Variants in ACKR3 observed in about 807,000 individuals in gnomAD.
ACKR3 encodes C-X-C chemokine receptor type 7.
A neutral mutation model predicts 22.4 loss-of-function variants in ACKR3; 6 were observed. That is an observed-to-expected ratio of 0.27 (90% CI 0.15 to 0.53). ACKR3 has a LOEUF of 0.53. Ranked by LOEUF, ACKR3 falls within the 20% of genes least tolerant of loss-of-function variation. The probability of loss-of-function intolerance (pLI) is 0.96; values close to 1 mark genes in which losing one functional copy is unlikely to be tolerated. For synonymous variants in ACKR3, 209 were observed against 205.2 expected (o/e 1.02, Z -0.16); for missense variants, 396 against 475.2 (o/e 0.83, Z 1.55).
the ACKR3 span, among the ~76,000 whole-genome samples, chr2:236,550,309 T>C: frequency 5.3e-5 from 8 of 152,142 alleles, no homozygotes; most frequent in Admixed American, 5.2e-4. This position sits in a 1 kb window ranked among gnomAD's most constrained non-coding sequence, Gnocchi z 4.6. Context: ...ATGGGAGATG[T>C]TGGGGGTGGC....
the ACKR3 span, among the ~76,000 whole-genome samples, chr2:236,546,148 C>T: frequency 1.3e-5 from 2 of 152,286 alleles, no homozygotes; most frequent in East Asian, 1.9e-4. This position sits in a 1 kb window ranked among gnomAD's most constrained non-coding sequence, Gnocchi z 4.9. Context: ...GATTCTTGGT[C>T]CCAGGAGAAG....
the ACKR3 span, among the ~76,000 whole-genome samples, chr2:236,561,746 C>T: frequency 1.2e-3 from 183 of 152,360 alleles, no homozygotes; most frequent in African/African-American, 4.0e-3. Context: ...CTCACCTTGG[C>T]CTCCCAAAGT....
chr2:236,551,664 G>C, the ACKR3 span, among the ~76,000 whole-genome samples: 1 of 152,174 alleles, frequency 6.6e-6, no homozygotes, highest in Non-Finnish European at 1.5e-5. Context: ...GCTTCTAAAA[G>C]GCAAAATGGA....
At chr2:236,578,483 A>G (rs911153740) in intron 1 of ACKR3, among the ~76,000 whole-genome samples, 1 of 152,206 alleles carries the variant, frequency 6.6e-6, no homozygotes, top group Non-Finnish European at 1.5e-5. Context: ...GGTTCCCTCC[A>G]TGGAAGGCTT....
Position 236,581,693 on chromosome 2 carries a change from A to T in ACKR3, c.*139A>T. On this transcript the variant is annotated 3_prime_UTR_variant, in exon 2 of 2. Transcript: ENST00000272928. This position sits in a 1 kb window ranked among gnomAD's most constrained non-coding sequence, Gnocchi z 4.4. ...GAAGAGGGGAGCACGTGCCCCCTGC[A>T]TCCATTCTCTCTTTCTCTTGATGAC... The T allele has an allele frequency of 4.7e-6, 5 of 1,075,004 alleles. No homozygotes were observed. The highest frequency in any genetic ancestry group is 5.3e-6 in the Non-Finnish European group (4 of 757,078). 66.6% of individuals were successfully genotyped at this position (1,075,004 alleles called of 1,614,324 possible).
chr2:236,561,574 C>A, the ACKR3 span, among the ~76,000 whole-genome samples: 4 of 152,072 alleles, frequency 2.6e-5, no homozygotes, highest in Non-Finnish European at 5.9e-5. Flanking sequence ...GTGGCACGAC[C>A]TCCGCCTCCT....
chr2:236,565,992 C>T (rs888700288), upstream of ACKR3, among the ~76,000 whole-genome samples: 1 of 152,230 alleles, frequency 6.6e-6, no homozygotes, highest in African/African-American at 2.4e-5. Context: ...AGGCCAGCGG[C>T]GCAGCTGAGC....
rs1477240261 is a variant in ACKR3 at position 236,574,244 on chromosome 2, G to A, written c.-27+4320G>A. ...AAGTCTCTCCTGGACGCCCGTCTCCGCTGCTGGCCACAGTCGCTGGTCTTG... is the reference window on the plus strand; with the variant it reads ...AAGTCTCTCCTGGACGCCCGTCTCCACTGCTGGCCACAGTCGCTGGTCTTG... On this transcript the variant is annotated intron_variant, in intron 1 of 1. Coordinates refer to ENST00000272928, the MANE Select transcript of ACKR3 (RefSeq NM_020311.3). This position sits in a 1 kb window ranked among gnomAD's most constrained non-coding sequence, Gnocchi z 5.6. Among the ~76,000 whole-genome samples, 2 of 152,246 alleles carry A rather than the reference G, an allele frequency of 1.3e-5. No homozygotes were observed. Among genetic ancestry groups the A allele is most frequent in the Non-Finnish European group, 2.9e-5 (2 of 68,012 alleles).
chr2:236,550,113 G>T, the ACKR3 span, among the ~76,000 whole-genome samples: 2 of 152,206 alleles, frequency 1.3e-5, no homozygotes, highest in African/African-American at 4.8e-5. This position sits in a 1 kb window ranked among gnomAD's most constrained non-coding sequence, Gnocchi z 4.6. Context: ...CTGCAGCAAC[G>T]TGGATTCCTG....
chr2:236,539,312 T>C, the ACKR3 span, among the ~76,000 whole-genome samples: 155 of 138,540 alleles, frequency 1.1e-3, no homozygotes, highest in Admixed American at 2.6e-3. Flanking sequence ...TTTTCTTTTT[T>C]TTTTTTTTTT....
the ACKR3 span, among the ~76,000 whole-genome samples, chr2:236,543,983 A>ATATATATATC: frequency 3.6e-5 from 2 of 56,242 alleles, no homozygotes; most frequent in Non-Finnish European, 5.9e-5. Flanking sequence ...ATATATATAT[A>ATATATATATC]TATATATATA....
the ACKR3 span, among the ~76,000 whole-genome samples, chr2:236,552,301 G>A: frequency 6.6e-6 from 1 of 152,174 alleles, no homozygotes; most frequent in African/African-American, 2.4e-5. Flanking sequence ...GGGGACAGAT[G>A]CTGGGGAGAG....
chr2:236,568,662 A>T (rs964634010), upstream of ACKR3, among the ~76,000 whole-genome samples: 1 of 152,270 alleles, frequency 6.6e-6, no homozygotes, highest in Non-Finnish European at 1.5e-5. Flanking sequence ...GCTTTTAGCT[A>T]AACAAAATAT....
chr2:236,551,667 A>G, the ACKR3 span, among the ~76,000 whole-genome samples: 1 of 152,232 alleles, frequency 6.6e-6, no homozygotes. Context: ...TCTAAAAGGC[A>G]AAATGGAATA....
chr2:236,560,249 A>T, the ACKR3 span, among the ~76,000 whole-genome samples: 2 of 148,028 alleles, frequency 1.4e-5, no homozygotes, highest in African/African-American at 5.0e-5. Context: ...TGGCTGCACC[A>T]TTTTGCACCC....
upstream of ACKR3, chr2:236,567,847 T>G (rs1691218813): frequency 1.3e-5 from 2 of 152,544 alleles, no homozygotes; most frequent in Non-Finnish European, 2.9e-5. Context: ...CGTGCGTGAG[T>G]GCGGAACAAG....
At chr2:236,554,579 C>T in the ACKR3 span, among the ~76,000 whole-genome samples, 1 of 152,202 alleles carries the variant, frequency 6.6e-6, no homozygotes, top group Non-Finnish European at 1.5e-5. Flanking sequence ...CTGCAGCACT[C>T]CCTGGGTGCC....
upstream of ACKR3, among the ~76,000 whole-genome samples, chr2:236,568,227 C>T (rs963280238): frequency 6.6e-6 from 1 of 152,206 alleles, no homozygotes; most frequent in African/African-American, 2.4e-5. Flanking sequence ...ATGCGGAGCG[C>T]GTTCTCTGAA....
the ACKR3 span, among the ~76,000 whole-genome samples, chr2:236,548,866 C>A: frequency 6.6e-5 from 10 of 152,154 alleles, no homozygotes; most frequent in Non-Finnish European, 1.0e-4. The surrounding 1 kb of genome is among the most constrained non-coding windows in gnomAD (Gnocchi z 4.3). Context: ...ATTAAAAGCT[C>A]GTGCACATGC....
Sources: gnomAD v4.1 joint callset for allele counts (sites outside exome capture counted in the v4.1 genomes callset) on GRCh38, gnomAD v4.1.1 for gene constraint, Gnocchi (gnomAD v3.1) non-coding constraint, MANE v1.5 for transcripts, NCBI Gene and HGNC (gene_info 2026-07-23, HGNC 2026-07-21) for gene names.